The following CSRP2 variants were observed in gnomAD, a reference collection of about 807,000 sequenced individuals.
CSRP2 encodes cysteine and glycine rich protein 2.
Under a neutral mutation model 24.6 loss-of-function variants are expected in CSRP2, and 18 were observed. The observed-to-expected ratio is 0.73, with a 90% CI of 0.51 to 1.09. The LOEUF is 1.09. CSRP2 is among the 50% of genes least tolerant of loss of function. The pLI, the probability that CSRP2 is intolerant of heterozygous loss-of-function variation, is 0.00. For missense variants in CSRP2, 215 were observed against 239.4 expected, an observed-to-expected ratio of 0.90 and a Z score of 0.67; for synonymous variants, 87 against 84.3, an observed-to-expected ratio of 1.03 and a Z score of -0.18.
intron 2 of CSRP2, chr12:76,864,563 G>A (rs1327530833): frequency 6.6e-6 from 1 of 151,248 alleles, no homozygotes; most frequent in Non-Finnish European, 1.5e-5. Flanking sequence ...TTGTATGCCT[G>A]TAGCAAAACA....
chr12:76,868,937 G>GAAAAAAAAAAAAAAAAAAAAA (rs980686297), intron 1 of CSRP2, among the ~76,000 whole-genome samples: 1 of 61,246 alleles, frequency 1.6e-5, no homozygotes, highest in Non-Finnish European at 3.6e-5. Context: ...CGCCTCAAAA[G>GAAAAAAAAAAAAAAAAAAAAA]AAAAAAAAAA....
intron 2 of CSRP2, 70 bp from the exon 3 acceptor site, chr12:76,863,414 A>G (rs1291606527): frequency 6.7e-7 from 1 of 1,485,080 alleles, no homozygotes; most frequent in East Asian, 2.3e-5. Context: ...ATGGTGGCAC[A>G]GACACATGGC....
At chr12:76,871,421 T>C (rs1953795388) in intron 1 of CSRP2, among the ~76,000 whole-genome samples, 1 of 152,128 alleles carries the variant, frequency 6.6e-6, no homozygotes. Context: ...TTTGGGGACA[T>C]TAAAATGCAC....
chr12:76,871,218 G>C (rs551525497), intron 1 of CSRP2, among the ~76,000 whole-genome samples: 2 of 152,280 alleles, frequency 1.3e-5, no homozygotes, highest in East Asian at 3.9e-4. Context: ...GTGAAGGCAA[G>C]ATAAGGTAAG....
chr12:76,861,058 A>G (rs1953671690), intron 3 of CSRP2: 1 of 152,172 alleles, frequency 6.6e-6, no homozygotes, highest in Non-Finnish European at 1.5e-5. Context: ...GTCACTATTT[A>G]CAGATCACTG....
chr12:76,859,403 C>A, intron 5 of CSRP2, 144 bp downstream of exon 5: 1 of 623,774 alleles, frequency 1.6e-6, no homozygotes, highest in South Asian at 2.2e-5. Context: ...GGTTCTCTGT[C>A]ATCTATAAGC....
At chr12:76,866,967 G>A (rs555325182) in intron 1 of CSRP2, among the ~76,000 whole-genome samples, 1 of 152,266 alleles carries the variant, frequency 6.6e-6, no homozygotes, top group East Asian at 1.9e-4. Flanking sequence ...GCAGCCAGCA[G>A]TTGGGTTTTC....
chr12:76,861,361 TATA>T (rs1443564515), intron 3 of CSRP2: 117 of 91,474 alleles, frequency 1.3e-3, no homozygotes, highest in African/African-American at 4.2e-3. Context: ...TATATATATA[TATA>T]TATTTTTTTT....
chr12:76,870,847 C>G (rs1384679500), intron 1 of CSRP2, among the ~76,000 whole-genome samples: 1 of 151,756 alleles, frequency 6.6e-6, no homozygotes, highest in Non-Finnish European at 1.5e-5. Flanking sequence ...GTGGCACACA[C>G]CTCTGGTCCC....
intron 2 of CSRP2, among the ~76,000 whole-genome samples, chr12:76,865,341 G>A (rs1391099946): frequency 1.3e-5 from 2 of 152,166 alleles, no homozygotes; most frequent in Admixed American, 1.3e-4. Flanking sequence ...AGTCTTCTGA[G>A]GAAGGCATAC....
intron 1 of CSRP2, among the ~76,000 whole-genome samples, chr12:76,869,330 T>A (rs1258058538): frequency 6.6e-6 from 1 of 152,106 alleles, no homozygotes; most frequent in Non-Finnish European, 1.5e-5. Flanking sequence ...GTTGTTGCAT[T>A]GGGAATTAAG....
intron 1 of CSRP2, among the ~76,000 whole-genome samples, chr12:76,878,041 A>G (rs1012463209): frequency 1.5e-5 from 2 of 132,872 alleles, no homozygotes; most frequent in African/African-American, 5.7e-5. Flanking sequence ...GCAGACTGCA[A>G]ATAAAACAGG....
chr12:76,875,017 CTCA>C (rs1199977604), intron 1 of CSRP2, among the ~76,000 whole-genome samples: 1 of 152,158 alleles, frequency 6.6e-6, no homozygotes, highest in Admixed American at 6.5e-5. Context: ...ACAAATCAGG[CTCA>C]TGTTTTGATT....
intron 1 of CSRP2, among the ~76,000 whole-genome samples, chr12:76,877,028 G>A (rs1347542892): frequency 6.6e-6 from 1 of 152,230 alleles, no homozygotes; most frequent in East Asian, 1.9e-4. Context: ...CTGGAGTTGA[G>A]GTGTGAATTT....
At chr12:76,860,516 C>A in intron 3 of CSRP2, 103 bp from the exon 4 acceptor site, 1 of 1,382,648 alleles carries the variant, frequency 7.2e-7, no homozygotes, top group East Asian at 2.3e-5. Flanking sequence ...CGCTACACTG[C>A]CTCAAAGCTG....
chr12:76,864,326 A>T (rs74400109), intron 2 of CSRP2: 1 of 152,084 alleles, frequency 6.6e-6, no homozygotes, highest in African/African-American at 2.4e-5. Context: ...GGTTACCAGA[A>T]GCTCGGAAGG....
At chr12:76,878,814 T>G (rs1953876959) in intron 1 of CSRP2, 124 bp downstream of exon 1, 1 of 152,274 alleles carries the variant, frequency 6.6e-6, no homozygotes, top group African/African-American at 2.4e-5. Context: ...GGGATGGGGA[T>G]GTCGGAGGAG....
chr12:76,860,907 A>G (rs1953670037), intron 3 of CSRP2: 1 of 152,294 alleles, frequency 6.6e-6, no homozygotes, highest in African/African-American at 2.4e-5. Context: ...TGTTTTATAG[A>G]TTACTTAGTC....
At chr12:76,871,937 G>A (rs1953804735) in intron 1 of CSRP2, among the ~76,000 whole-genome samples, 1 of 150,822 alleles carries the variant, frequency 6.6e-6, no homozygotes, top group Non-Finnish European at 1.5e-5. Flanking sequence ...TTTCTTACAA[G>A]CCTTTGGCCG....
Sources: gnomAD v4.1 joint callset for allele counts (sites outside exome capture counted in the v4.1 genomes callset) on GRCh38, gnomAD v4.1.1 for gene constraint, MANE v1.5 for transcripts, NCBI Gene and HGNC (gene_info 2026-07-23, HGNC 2026-07-21) for gene names.